Variants in CNTNAP5 observed in about 807,000 individuals in gnomAD.
CNTNAP5 encodes the protein contactin associated protein family member 5, also known as contactin-associated protein-like 5.
A neutral mutation model predicts 150.2 loss-of-function variants in CNTNAP5; 72 were observed. The ratio of observed to expected loss-of-function variants is 0.48; its 90% CI spans 0.40 to 0.58. The LOEUF (loss-of-function observed/expected upper bound fraction) is 0.58. CNTNAP5 is among the 20% of genes least tolerant of loss of function. The pLI, the probability that CNTNAP5 is intolerant of heterozygous loss-of-function variation, is 0.00. For synonymous variants in CNTNAP5, 672 were observed against 619.8 expected, an observed-to-expected ratio of 1.08 and a Z score of -1.25; for missense variants, 1,636 against 1,626.2, an observed-to-expected ratio of 1.01 and a Z score of -0.10.
chr2:124,677,211 G>T (rs747327194), intron 13 of CNTNAP5, among the ~76,000 whole-genome samples: 65 of 152,176 alleles, frequency 4.3e-4, no homozygotes, highest in Non-Finnish European at 7.8e-4. Flanking sequence ...GACCTTCACA[G>T]TGAGTGTTAC....
At chr2:124,481,941 C>T (rs1693769627) in intron 7 of CNTNAP5, among the ~76,000 whole-genome samples, 1 of 152,208 alleles carries the variant, frequency 6.6e-6, no homozygotes, top group Non-Finnish European at 1.5e-5. Flanking sequence ...CATAAAGCCA[C>T]ACCACATTCC....
intron 1 of CNTNAP5, among the ~76,000 whole-genome samples, chr2:124,094,729 G>A (rs4848913): frequency 0.13 from 19,735 of 152,108 alleles, 1,372 homozygotes; most frequent in Middle Eastern, 0.23. Context: ...CTGGTGTGGG[G>A]GCTAAAGATT....
intron 19 of CNTNAP5, among the ~76,000 whole-genome samples, chr2:124,852,427 A>T (rs1482375667): frequency 2.6e-5 from 4 of 152,316 alleles, no homozygotes; most frequent in South Asian, 2.1e-4. Context: ...GAGCTAGCAC[A>T]TTAGGGGAAC....
rs1253339714 is a variant in CNTNAP5 at position 124,537,054 on chromosome 2, A to AAG, written c.1649+9610_1649+9611dup. On this transcript the variant is annotated intron_variant, in intron 10 of 23. Coordinates refer to ENST00000682447, the MANE Select transcript of CNTNAP5 (RefSeq NM_001367498.1). ...TGTGTGTGTGAGAGAGAGAGAGAGAAAGAGAGAGAGAGACAGAGAGACTAA... is the reference window on the plus strand; with the variant it reads ...TGTGTGTGTGAGAGAGAGAGAGAGAAAGAGAGAGAGAGAGACAGAGAGACTAA... 1.7e-4 allele frequency among the ~76,000 whole-genome samples: 25 copies of AAG among 148,476 alleles called. No homozygotes were observed. In the East Asian group the frequency reaches 4.7e-3, roughly 28 times the overall value.
At chr2:124,364,311 C>T (rs961316617) in intron 3 of CNTNAP5, among the ~76,000 whole-genome samples, 1 of 152,154 alleles carries the variant, frequency 6.6e-6, no homozygotes, top group East Asian at 1.9e-4. Flanking sequence ...TTTAACCCCC[C>T]TTTTATTTCC....
At chr2:124,088,419 T>G (rs1390532079) in intron 1 of CNTNAP5, among the ~76,000 whole-genome samples, 1 of 152,188 alleles carries the variant, frequency 6.6e-6, no homozygotes, top group Non-Finnish European at 1.5e-5. Flanking sequence ...TTTGTCAGCT[T>G]ATTCTATCTT....
chr2:124,302,961 G>C (rs1248697304), intron 3 of CNTNAP5, among the ~76,000 whole-genome samples: 2 of 152,124 alleles, frequency 1.3e-5, no homozygotes, highest in Non-Finnish European at 2.9e-5. Flanking sequence ...ATCCTTTGTT[G>C]CTCTTTGTTT....
At chr2:124,365,490 G>T (rs188174815) in intron 3 of CNTNAP5, among the ~76,000 whole-genome samples, 150 of 152,252 alleles carry the variant, frequency 9.9e-4, no homozygotes, top group Middle Eastern at 3.4e-3. Flanking sequence ...GTTCAGCTTA[G>T]AATTTCCAAA....
At chr2:124,127,009 A>G (rs1414216888) in intron 1 of CNTNAP5, among the ~76,000 whole-genome samples, 2 of 152,220 alleles carry the variant, frequency 1.3e-5, no homozygotes, top group African/African-American at 4.8e-5. Context: ...CAAGACAGGG[A>G]TGCCCTCTCT....
intron 8 of CNTNAP5, among the ~76,000 whole-genome samples, chr2:124,509,299 T>C (rs1694498000): frequency 5.9e-5 from 9 of 152,214 alleles, no homozygotes; most frequent in Admixed American, 5.9e-4. Flanking sequence ...ATTCTAGGGA[T>C]GAAGTTTCAG....
intron 13 of CNTNAP5, among the ~76,000 whole-genome samples, chr2:124,710,911 A>G (rs1486769160): frequency 6.6e-6 from 1 of 152,136 alleles, no homozygotes; most frequent in Non-Finnish European, 1.5e-5. Context: ...CTGTGCATTC[A>G]TGTTGTAGTA....
chr2:124,176,831 T>A (rs1367463514), intron 1 of CNTNAP5, among the ~76,000 whole-genome samples: 2 of 143,760 alleles, frequency 1.4e-5, no homozygotes, highest in Non-Finnish European at 3.0e-5. Context: ...ATAATGTCTT[T>A]GTTATTGCTG....
At chr2:124,374,767 A>C (rs1690606126) in intron 3 of CNTNAP5, among the ~76,000 whole-genome samples, 2 of 152,026 alleles carry the variant, frequency 1.3e-5, no homozygotes, top group South Asian at 4.1e-4. Context: ...ACAACCAGGG[A>C]TTCTTGGAGA....
chr2:124,908,168 T>C (rs1278999436), intron 22 of CNTNAP5, among the ~76,000 whole-genome samples: 1 of 151,828 alleles, frequency 6.6e-6, no homozygotes, highest in East Asian at 2.0e-4. Context: ...GTGAGGAGTT[T>C]GAGACCAGCC....
intron 1 of CNTNAP5, among the ~76,000 whole-genome samples, chr2:124,185,376 G>A (rs1323308969): frequency 6.6e-6 from 1 of 152,158 alleles, no homozygotes; most frequent in African/African-American, 2.4e-5. Context: ...GGACACTTCT[G>A]TAGTATCTTA....
chr2:124,779,938 A>G (rs1213667387), intron 17 of CNTNAP5, among the ~76,000 whole-genome samples: 1 of 152,140 alleles, frequency 6.6e-6, no homozygotes, highest in Non-Finnish European at 1.5e-5. Flanking sequence ...TTGTGGGAAG[A>G]CGTAGTGTCT....
At chr2:124,204,952 C>T (rs1361262620) in intron 1 of CNTNAP5, among the ~76,000 whole-genome samples, 1 of 152,170 alleles carries the variant, frequency 6.6e-6, no homozygotes, top group Non-Finnish European at 1.5e-5. Context: ...TAAACTGCTA[C>T]TGAGGCCAGG....
At chr2:124,573,731 A>C (rs1361342995) in intron 11 of CNTNAP5, among the ~76,000 whole-genome samples, 1 of 152,206 alleles carries the variant, frequency 6.6e-6, no homozygotes, top group Non-Finnish European at 1.5e-5. Context: ...TAAAAAATTC[A>C]ATATATGAAG....
At chr2:124,793,108 C>T (rs1234031527) in intron 18 of CNTNAP5, among the ~76,000 whole-genome samples, 1 of 152,138 alleles carries the variant, frequency 6.6e-6, no homozygotes, top group African/African-American at 2.4e-5. Flanking sequence ...TGAGGAACTT[C>T]CTAACTTTTT....
Sources: gnomAD v4.1 joint callset for allele counts (sites outside exome capture counted in the v4.1 genomes callset) on GRCh38, gnomAD v4.1.1 for gene constraint, MANE v1.5 for transcripts, NCBI Gene and HGNC (gene_info 2026-07-23, HGNC 2026-07-21) for gene names.